The following SEMA5A variants were observed in gnomAD, a reference collection of about 807,000 sequenced individuals.
SEMA5A encodes semaphorin-5A.
A neutral mutation model predicts 135.5 loss-of-function variants in SEMA5A; 55 were observed. The ratio of observed to expected loss-of-function variants is 0.41; its 90% CI spans 0.33 to 0.51. The LOEUF is 0.51. Ranked by LOEUF, SEMA5A falls within the 20% of genes least tolerant of loss-of-function variation. The pLI is 0.37. For missense variants in SEMA5A, 1,290 were observed against 1,419.9 expected (o/e 0.91, Z 1.47); for synonymous variants, 580 against 546.5 (o/e 1.06, Z -0.85).
intron 11 of SEMA5A, among the ~76,000 whole-genome samples, chr5:9,171,474 C>G (rs1048142692): frequency 2.3e-4 from 35 of 152,110 alleles, no homozygotes; most frequent in Admixed American, 2.1e-3. Flanking sequence ...GACTCATGGT[C>G]GAGACGACAA....
intron 22 of SEMA5A, among the ~76,000 whole-genome samples, chr5:9,043,799 T>C (rs931016112): frequency 1.3e-5 from 2 of 152,248 alleles, no homozygotes; most frequent in Admixed American, 6.5e-5. Context: ...TGCTGAATCT[T>C]CAGTGGGAAC....
chr5:9,048,274 C>A (rs1736381307), intron 21 of SEMA5A, among the ~76,000 whole-genome samples: 1 of 152,230 alleles, frequency 6.6e-6, no homozygotes, highest in Admixed American at 6.5e-5. Context: ...AAAACTCACA[C>A]TGGATCCCAC....
chr5:9,374,977 C>T (rs537897660), intron 3 of SEMA5A, among the ~76,000 whole-genome samples: 1 of 152,296 alleles, frequency 6.6e-6, no homozygotes, highest in East Asian at 1.9e-4. Context: ...CTCTCTTTAG[C>T]CTCTTCCTTC....
intron 6 of SEMA5A, among the ~76,000 whole-genome samples, chr5:9,234,512 C>T (rs1044152830): frequency 3.3e-5 from 5 of 152,206 alleles, no homozygotes; most frequent in African/African-American, 1.2e-4. Flanking sequence ...TTTTTGTACA[C>T]AGGAATTTCC....
chr5:9,122,985 G>T, intron 13 of SEMA5A, 148 bp from the exon 14 acceptor site: 1 of 687,308 alleles, frequency 1.5e-6, no homozygotes, highest in Non-Finnish European at 2.3e-6. Flanking sequence ...GCCAGGCGCG[G>T]TGGTTCACGC....
intron 2 of SEMA5A, among the ~76,000 whole-genome samples, chr5:9,412,128 A>C (rs1242925404): frequency 6.6e-6 from 1 of 152,118 alleles, no homozygotes; most frequent in Non-Finnish European, 1.5e-5. Flanking sequence ...ATGACATAGA[A>C]GGTCTTAGCT....
intron 3 of SEMA5A, among the ~76,000 whole-genome samples, chr5:9,356,943 G>A (rs1353093815): frequency 6.6e-6 from 1 of 152,184 alleles, no homozygotes; most frequent in East Asian, 1.9e-4. Context: ...AACATATTCA[G>A]TGAGCCTGAC....
intron 16 of SEMA5A, among the ~76,000 whole-genome samples, chr5:9,092,733 G>T (rs201961426): frequency 2.6e-5 from 4 of 152,170 alleles, no homozygotes; most frequent in African/African-American, 9.7e-5. Context: ...TGCATTGTAA[G>T]AGATAGTAAG....
intron 11 of SEMA5A, among the ~76,000 whole-genome samples, chr5:9,182,309 G>A (rs56705339): frequency 0.11 from 16,721 of 151,956 alleles, 1,572 homozygotes; most frequent in African/African-American, 0.23. Flanking sequence ...AAAACATCAG[G>A]AGTCATTCTT....
intron 13 of SEMA5A, among the ~76,000 whole-genome samples, chr5:9,134,894 T>C (rs1454783427): frequency 6.6e-6 from 1 of 152,206 alleles, no homozygotes; most frequent in African/African-American, 2.4e-5. Context: ...CTTAGTATTT[T>C]TCAGAAATAG....
intron 1 of SEMA5A, among the ~76,000 whole-genome samples, chr5:9,443,876 G>T (rs1337738637): frequency 6.6e-6 from 1 of 152,198 alleles, no homozygotes; most frequent in African/African-American, 2.4e-5. Context: ...AAAGCAAAAT[G>T]CACAAAAGCT....
chr5:9,434,197 G>GT (rs1352825645), intron 2 of SEMA5A, among the ~76,000 whole-genome samples: 4 of 152,080 alleles, frequency 2.6e-5, no homozygotes, highest in Non-Finnish European at 5.9e-5. Context: ...TAAAACAAGG[G>GT]TTTTTTCTTC....
At chr5:9,409,140 C>T (rs1296247022) in intron 2 of SEMA5A, among the ~76,000 whole-genome samples, 3 of 152,090 alleles carry the variant, frequency 2.0e-5, no homozygotes, top group African/African-American at 7.2e-5. Flanking sequence ...TTCAATTATC[C>T]CTTGGCCCCC....
chr5:9,352,161 T>A (rs1754152218), intron 3 of SEMA5A, among the ~76,000 whole-genome samples: 1 of 151,446 alleles, frequency 6.6e-6, no homozygotes, highest in Non-Finnish European at 1.5e-5. Context: ...AGTGAAATAG[T>A]CTTCAATGCA....
chr5:9,155,259 T>G (rs1742890808), intron 11 of SEMA5A, among the ~76,000 whole-genome samples: 1 of 152,140 alleles, frequency 6.6e-6, no homozygotes, highest in South Asian at 2.1e-4. Context: ...TGGGATGATT[T>G]TCTTGGGCTC....
chr5:9,171,469 A>T (rs994432908), intron 11 of SEMA5A, among the ~76,000 whole-genome samples: 4 of 152,194 alleles, frequency 2.6e-5, no homozygotes, highest in Non-Finnish European at 4.4e-5. Context: ...ATTGGGACTC[A>T]TGGTCGAGAC....
intron 1 of SEMA5A, among the ~76,000 whole-genome samples, chr5:9,532,477 G>A (rs1162492296): frequency 4.7e-5 from 7 of 147,836 alleles, no homozygotes; most frequent in East Asian, 2.0e-4. Flanking sequence ...TAGTAGAGAC[G>A]GGGTTTTGCC....
At chr5:9,128,868 C>T (rs1409982752) in intron 13 of SEMA5A, among the ~76,000 whole-genome samples, 1 of 152,126 alleles carries the variant, frequency 6.6e-6, no homozygotes, top group Admixed American at 6.5e-5. Context: ...CTGCCATGTG[C>T]ATAACAGGAT....
At chr5:9,076,868 TTG>T (rs70943938) in intron 16 of SEMA5A, among the ~76,000 whole-genome samples, 2,730 of 143,664 alleles carry the variant, frequency 0.019, 24 homozygotes, top group Admixed American at 0.051. Context: ...ATTACGATCT[TTG>T]TGTGTGTGTG....
Sources: allele counts gnomAD v4.1 joint callset (sites outside exome capture counted in the v4.1 genomes callset), GRCh38; gene constraint gnomAD v4.1.1; transcripts MANE v1.5; gene names NCBI Gene and HGNC (gene_info 2026-07-23, HGNC 2026-07-21).